Variants in GPM6A observed in about 807,000 individuals in gnomAD.
GPM6A encodes neuronal membrane glycoprotein M6-a.
A neutral mutation model predicts 32.1 loss-of-function variants in GPM6A; 7 were observed. The observed-to-expected ratio is 0.22, with a 90% CI of 0.12 to 0.41. The LOEUF (loss-of-function observed/expected upper bound fraction) is 0.41. Ranked by LOEUF, GPM6A falls within the 10% of genes least tolerant of loss-of-function variation. The probability of loss-of-function intolerance (pLI) is 1.00; values close to 1 mark genes in which losing one functional copy is unlikely to be tolerated. For missense variants in GPM6A, 235 were observed against 347.2 expected (o/e 0.68, Z 2.57); for synonymous variants, 130 against 123.4 (o/e 1.05, Z -0.35).
chr4:175,876,544 G>C (rs10520318), intron 1 of GPM6A, among the ~76,000 whole-genome samples: 3,868 of 152,104 alleles, frequency 0.025, 155 homozygotes, highest in African/African-American at 0.087. Flanking sequence ...GCTGTCTTTT[G>C]AGTTCCATGG....
chr4:175,718,029 GC>G (rs1282098529), intron 1 of GPM6A, among the ~76,000 whole-genome samples: 1 of 152,148 alleles, frequency 6.6e-6, no homozygotes, highest in Non-Finnish European at 1.5e-5. Context: ...ATTTTAAGAT[GC>G]TTTCATTATT....
chr4:175,999,516 T>G (rs1043988035), intron 1 of GPM6A, among the ~76,000 whole-genome samples: 3 of 148,428 alleles, frequency 2.0e-5, no homozygotes, highest in African/African-American at 7.4e-5. Flanking sequence ...TTGCCTACTT[T>G]GCAAATAACT....
chr4:175,736,126 AG>A (rs1214097669), intron 1 of GPM6A, among the ~76,000 whole-genome samples: 1 of 152,118 alleles, frequency 6.6e-6, no homozygotes, highest in Non-Finnish European at 1.5e-5. Flanking sequence ...TCTGGGCTCA[AG>A]GGATCCTCCA....
intron 1 of GPM6A, among the ~76,000 whole-genome samples, chr4:175,754,982 C>T (rs1292679291): frequency 1.3e-5 from 2 of 151,980 alleles, no homozygotes; most frequent in Non-Finnish European, 2.9e-5. Context: ...CACACACGCA[C>T]ACAATTACAC....
At chr4:175,826,634 A>C (rs1018152687) in intron 1 of GPM6A, among the ~76,000 whole-genome samples, 2 of 152,180 alleles carry the variant, frequency 1.3e-5, no homozygotes, top group African/African-American at 4.8e-5. Context: ...AAAGAAGTGA[A>C]TACAGAGACA....
intron 1 of GPM6A, among the ~76,000 whole-genome samples, chr4:175,974,923 A>C (rs964947352): frequency 2.6e-5 from 4 of 152,090 alleles, no homozygotes; most frequent in African/African-American, 9.7e-5. Context: ...GGCTCAAGTG[A>C]TCTGCCTGCC....
At chr4:175,961,530 G>A (rs181616194) in intron 1 of GPM6A, among the ~76,000 whole-genome samples, 28 of 152,262 alleles carry the variant, frequency 1.8e-4, no homozygotes, top group Admixed American at 1.6e-3. Flanking sequence ...ATCTAAAGCT[G>A]TAATTTATGA....
At chr4:175,939,830 T>C (rs1739349170) in intron 1 of GPM6A, among the ~76,000 whole-genome samples, 1 of 151,822 alleles carries the variant, frequency 6.6e-6, no homozygotes, top group Non-Finnish European at 1.5e-5. Flanking sequence ...TTATTTTGCA[T>C]TTATCTGCTT....
At chr4:175,856,840 G>A (rs2111412432) in intron 1 of GPM6A, among the ~76,000 whole-genome samples, 2 of 152,220 alleles carry the variant, frequency 1.3e-5, no homozygotes, top group Middle Eastern at 3.4e-3. Flanking sequence ...GGAACTTGGG[G>A]TTTTTATGGG....
intron 1 of GPM6A, among the ~76,000 whole-genome samples, chr4:175,927,859 T>C (rs1157990049): frequency 1.3e-5 from 2 of 152,130 alleles, no homozygotes; most frequent in African/African-American, 2.4e-5. Flanking sequence ...AACTCCAGCC[T>C]GGACCATAGA....
At chr4:175,769,985 T>G (rs975416735) in intron 1 of GPM6A, among the ~76,000 whole-genome samples, 3 of 152,176 alleles carry the variant, frequency 2.0e-5, no homozygotes, top group Non-Finnish European at 4.4e-5. Context: ...GTTTGACCTA[T>G]TATAATGACT....
chr4:175,831,865 C>T (rs1735626580), intron 1 of GPM6A, among the ~76,000 whole-genome samples: 1 of 151,806 alleles, frequency 6.6e-6, no homozygotes, highest in Non-Finnish European at 1.5e-5. Flanking sequence ...ACTGCAGACA[C>T]GTGCCACCAC....
intron 1 of GPM6A, among the ~76,000 whole-genome samples, chr4:175,772,956 T>C (rs1264168877): frequency 6.6e-6 from 1 of 152,200 alleles, no homozygotes; most frequent in African/African-American, 2.4e-5. Context: ...TAATTCACCT[T>C]AGGTCTTGGC....
chr4:175,800,860 G>A (rs62336053), intron 1 of GPM6A: 96,106 of 197,440 alleles, frequency 0.49, 23,888 homozygotes, highest in Non-Finnish European at 0.53. Flanking sequence ...CAGGCTCTGA[G>A]ACTCCATTGA....
chr4:175,745,436 A>G (rs930473631), intron 1 of GPM6A, among the ~76,000 whole-genome samples: 3 of 152,230 alleles, frequency 2.0e-5, no homozygotes, highest in Admixed American at 1.3e-4. Flanking sequence ...AAGATAAAAA[A>G]CATGAGCTTT....
At chr4:175,856,154 TA>T (rs1332811348) in intron 1 of GPM6A, among the ~76,000 whole-genome samples, 1 of 152,170 alleles carries the variant, frequency 6.6e-6, no homozygotes, top group African/African-American at 2.4e-5. Flanking sequence ...TTTTTTAAGG[TA>T]AAAAACTAAG....
At chr4:175,891,454 C>T (rs1009392335) in intron 1 of GPM6A, 2 of 152,182 alleles carry the variant, frequency 1.3e-5, no homozygotes, top group African/African-American at 4.8e-5. Context: ...TGAGTCCTCC[C>T]AGACTTACCT....
At chr4:175,709,765 A>G (rs368774682) in intron 1 of GPM6A, among the ~76,000 whole-genome samples, 19 of 151,834 alleles carry the variant, frequency 1.3e-4, no homozygotes, top group Admixed American at 1.3e-4. Flanking sequence ...GACTTAAAAC[A>G]TCACATTTTA....
intron 1 of GPM6A, among the ~76,000 whole-genome samples, chr4:175,978,081 TG>T (rs1233102110): frequency 6.6e-6 from 1 of 152,234 alleles, no homozygotes; most frequent in Non-Finnish European, 1.5e-5. Flanking sequence ...ATTTTTGATG[TG>T]CTATTGTATT....
Sources: gnomAD v4.1 joint callset for allele counts (sites outside exome capture counted in the v4.1 genomes callset) on GRCh38, gnomAD v4.1.1 for gene constraint, MANE v1.5 for transcripts, NCBI Gene and HGNC (gene_info 2026-07-23, HGNC 2026-07-21) for gene names.